MYO3A: variants seen among roughly 807,000 people sequenced by gnomAD.
The protein encoded by MYO3A is myosin IIIA.
A neutral mutation model predicts 192.7 loss-of-function variants in MYO3A; 180 were observed. That is an observed-to-expected ratio of 0.93 (90% CI 0.83 to 1.06). The LOEUF (loss-of-function observed/expected upper bound fraction) is 1.06, where lower values mean the gene tolerates loss of function less well. MYO3A is among the 50% of genes least tolerant of loss of function. The probability of loss-of-function intolerance (pLI) is 0.00; values close to 1 mark genes in which losing one functional copy is unlikely to be tolerated. For synonymous variants in MYO3A, 628 were observed against 645.3 expected, an observed-to-expected ratio of 0.97 and a Z score of 0.41; for missense variants, 1,896 against 1,905.0, an observed-to-expected ratio of 1.00 and a Z score of 0.09.
chr10:26,182,599 A>G (rs1038786765), intron 31 of MYO3A, among the ~76,000 whole-genome samples: 14 of 152,214 alleles, frequency 9.2e-5, no homozygotes, highest in African/African-American at 3.1e-4. Flanking sequence ...TAATTTTTTT[A>G]AGTTTGGCTC....
intron 17 of MYO3A, among the ~76,000 whole-genome samples, chr10:26,110,874 T>C (rs556466793): frequency 8.0e-4 from 121 of 151,240 alleles, no homozygotes; most frequent in South Asian, 6.5e-3. Flanking sequence ...CTTTTCTTTT[T>C]TTTTTTTTTT....
chr10:25,963,918 A>G (rs1184352646), intron 4 of MYO3A, among the ~76,000 whole-genome samples: 1 of 152,220 alleles, frequency 6.6e-6, no homozygotes, highest in East Asian at 1.9e-4. Context: ...CGGAAAAAGC[A>G]TCTTCTTTGA....
At chr10:26,116,357 G>T (rs1368477994) in intron 17 of MYO3A, among the ~76,000 whole-genome samples, 1 of 152,122 alleles carries the variant, frequency 6.6e-6, no homozygotes, top group Non-Finnish European at 1.5e-5. Context: ...TCTTCACCTG[G>T]TGTTCTCCTT....
intron 32 of MYO3A, among the ~76,000 whole-genome samples, chr10:26,198,926 A>C (rs1002159231): frequency 8.5e-5 from 13 of 152,232 alleles, no homozygotes; most frequent in Non-Finnish European, 1.6e-4. Context: ...TCAAAACTAT[A>C]ATTGAAAACA....
intron 4 of MYO3A, among the ~76,000 whole-genome samples, chr10:25,988,906 G>A (rs1428811688): frequency 6.9e-6 from 1 of 145,404 alleles, no homozygotes; most frequent in Admixed American, 6.9e-5. Context: ...TCCCTACAGT[G>A]CTTTTAGAAG....
intron 19 of MYO3A, among the ~76,000 whole-genome samples, chr10:26,125,939 T>A (rs1839194314): frequency 6.6e-6 from 1 of 152,340 alleles, no homozygotes; most frequent in East Asian, 1.9e-4. Flanking sequence ...TACCATTTTA[T>A]GCTTGTATAA....
At chr10:26,021,731 A>G in intron 8 of MYO3A, 83 bp downstream of exon 8, 1 of 1,547,308 alleles carries the variant, frequency 6.5e-7, no homozygotes, top group Non-Finnish European at 8.9e-7. Flanking sequence ...CTCTTCATGG[A>G]GACGTTCAGA....
chr10:26,020,359 A>G (rs1842239129), intron 7 of MYO3A, among the ~76,000 whole-genome samples: 1 of 152,222 alleles, frequency 6.6e-6, no homozygotes, highest in Non-Finnish European at 1.5e-5. Context: ...GGTATTAATA[A>G]AGATTTATTT....
At chr10:26,070,491 C>T in intron 14 of MYO3A, 90 bp downstream of exon 14, 2 of 1,118,798 alleles carry the variant, frequency 1.8e-6, no homozygotes, top group Non-Finnish European at 2.6e-6. Context: ...TCTCTAGTAT[C>T]TCACATTTAA....
At chr10:26,037,829 G>T (rs1009587138) in intron 10 of MYO3A, among the ~76,000 whole-genome samples, 1 of 152,122 alleles carries the variant, frequency 6.6e-6, no homozygotes, top group Non-Finnish European at 1.5e-5. Flanking sequence ...AGTCAAGGGG[G>T]AAATTCTACA....
At chr10:26,203,562 G>A (rs566753708) in intron 34 of MYO3A, among the ~76,000 whole-genome samples, 1 of 152,216 alleles carries the variant, frequency 6.6e-6, no homozygotes, top group Non-Finnish European at 1.5e-5. Flanking sequence ...ATAGAAAAAT[G>A]CATATTTTGG....
Position 26,042,096 on chromosome 10 carries a change from C to G in MYO3A, c.953+15564C>G, listed in dbSNP as rs537597067. On this transcript the variant is annotated intron_variant, in intron 10 of 34. Transcript: ENST00000642920. ...GGGTATTTTTGCCAGATATACTATT[C>G]TAGGGTAAAATATTTTCTCCATCAG... 2.0e-5 allele frequency among the ~76,000 whole-genome samples: 3 copies of G among 152,182 alleles called. No homozygotes were observed. The South Asian group carries it at 6.2e-4, about 32-fold the overall frequency.
chr10:26,013,153 A>T (rs1246139356), intron 6 of MYO3A, among the ~76,000 whole-genome samples: 1 of 152,128 alleles, frequency 6.6e-6, no homozygotes, highest in Non-Finnish European at 1.5e-5. Flanking sequence ...TAAATATAAC[A>T]CCTGAACCTA....
At chr10:26,150,853 GTTTTA>G (rs2131890613) in intron 23 of MYO3A, among the ~76,000 whole-genome samples, 1 of 151,782 alleles carries the variant, frequency 6.6e-6, no homozygotes, top group East Asian at 1.9e-4. Context: ...CTTACTTTGT[GTTTTA>G]TTTTGTTTCC....
intron 2 of MYO3A, among the ~76,000 whole-genome samples, chr10:25,947,303 G>T (rs1455398344): frequency 6.7e-6 from 1 of 148,510 alleles, no homozygotes; most frequent in African/African-American, 2.5e-5. Flanking sequence ...TGTACAGTCT[G>T]TCTTATTATA....
intron 19 of MYO3A, among the ~76,000 whole-genome samples, chr10:26,126,669 G>A (rs1164845667): frequency 1.3e-5 from 2 of 152,080 alleles, no homozygotes; most frequent in South Asian, 2.1e-4. Flanking sequence ...GTATATTCCA[G>A]AAAATGTAGG....
chr10:26,009,110 A>G (rs1464566184), intron 6 of MYO3A, among the ~76,000 whole-genome samples: 1 of 151,954 alleles, frequency 6.6e-6, no homozygotes, highest in Non-Finnish European at 1.5e-5. Flanking sequence ...CATCATTCTC[A>G]GTAAACTATT....
Position 26,135,354 on chromosome 10 carries a change from CAT to C in MYO3A, c.2262+6818_2262+6819del, listed in dbSNP as rs1163802634. ...CTATTAGATTATTAGGTTATTAATT[CAT>C]AAATATAAATTATTATTTAATTATT... On this transcript the variant is annotated intron_variant, in intron 20 of 34. Transcript: ENST00000642920. Among the ~76,000 whole-genome samples, 7 of 151,448 alleles carry C rather than the reference CAT, an allele frequency of 4.6e-5. No homozygotes were observed. In the South Asian group the frequency reaches 8.3e-4, roughly 18 times the overall value.
rs558214887 is a variant in MYO3A at position 26,153,085 on chromosome 10, G to A, written c.2636-765G>A. On this transcript the variant is annotated intron_variant, in intron 23 of 34. Coordinates refer to ENST00000642920, the MANE Select transcript of MYO3A (RefSeq NM_017433.5). ...TTACTATTAGGATAATAAACTCTTC[G>A]ATTGTGGGTTGGTTGGTTCCTTGTG... 3.3e-5 allele frequency among the ~76,000 whole-genome samples: 5 copies of A among 152,276 alleles called. No homozygotes were observed. In the South Asian group the frequency reaches 6.2e-4, roughly 19 times the overall value.
Sources: allele counts gnomAD v4.1 joint callset (sites outside exome capture counted in the v4.1 genomes callset), GRCh38; gene constraint gnomAD v4.1.1; transcripts MANE v1.5; gene names NCBI Gene and HGNC (gene_info 2026-07-23, HGNC 2026-07-21).